ARSF: variants seen among roughly 807,000 people sequenced by gnomAD.
ARSF encodes arylsulfatase F.
ARSF carries 33 observed loss-of-function variants against 35.4 expected under a neutral mutation model. The ratio of observed to expected loss-of-function variants is 0.93; its 90% CI spans 0.71 to 1.25. The LOEUF is 1.25. ARSF is among the 50% of genes most tolerant of loss of function. The probability of loss-of-function intolerance (pLI) is 0.00; values close to 1 mark genes in which losing one functional copy is unlikely to be tolerated. For missense variants in ARSF, 501 were observed against 480.2 expected (o/e 1.04, Z -0.40); for synonymous variants, 222 against 193.1 (o/e 1.15, Z -1.24).
chrX:3,076,038 T>C (rs2090146086), intron 3 of ARSF, among the ~76,000 whole-genome samples: 1 of 109,120 alleles, frequency 9.2e-6, no homozygotes, highest in Admixed American at 9.9e-5. Context: ...TCTGTTTATC[T>C]CTCTTTCCAT....
chrX:3,085,109 G>A (rs1037525172), intron 6 of ARSF, among the ~76,000 whole-genome samples: 2 of 109,917 alleles, frequency 1.8e-5, no homozygotes, highest in Non-Finnish European at 3.8e-5. Context: ...GTGGTACCTT[G>A]TTTGGGCTCC....
At chrX:3,083,225 A>G (rs7062021) in intron 5 of ARSF, among the ~76,000 whole-genome samples, 1,146 of 110,995 alleles carry the variant, frequency 0.01, 15 homozygotes, top group African/African-American at 0.036. Context: ...ATTTGTATCT[A>G]TCATATTTAT....
intron 1 of ARSF, chrX:3,058,392 T>G: frequency 6.8e-6 from 1 of 146,819 alleles, no homozygotes; most frequent in Non-Finnish European, 1.4e-5. Flanking sequence ...ACCAAGCTGG[T>G]GCTGAACGTA....
intron 2 of ARSF, among the ~76,000 whole-genome samples, chrX:3,070,627 C>T (rs2090096303): frequency 9.0e-6 from 1 of 111,120 alleles, no homozygotes; most frequent in Admixed American, 9.6e-5. Flanking sequence ...TGTTTGATTA[C>T]ATGGATAAGT....
chrX:3,061,373 G>A (rs1398231080), intron 1 of ARSF, among the ~76,000 whole-genome samples: 3 of 111,510 alleles, frequency 2.7e-5, no homozygotes, highest in African/African-American at 9.8e-5. Flanking sequence ...GACCATCGAT[G>A]CTAGGAAGAA....
At chrX:3,093,032 G>A (rs112508813) in intron 7 of ARSF, among the ~76,000 whole-genome samples, 3,075 of 107,372 alleles carry the variant, frequency 0.029, 53 homozygotes, top group Middle Eastern at 0.061. Flanking sequence ...CATCCGTGGT[G>A]GCGGGCGTCT....
At chrX:3,058,496 G>A (rs2062002365) in intron 1 of ARSF, 1 of 271,666 alleles carries the variant, frequency 3.7e-6, no homozygotes, top group Non-Finnish European at 7.2e-6. Flanking sequence ...CGGGACCACA[G>A]GCAGGCTACT....
intron 7 of ARSF, among the ~76,000 whole-genome samples, chrX:3,095,608 T>G (rs964666856): frequency 9.1e-6 from 1 of 109,955 alleles, no homozygotes; most frequent in East Asian, 2.8e-4. Flanking sequence ...ACATTTAATG[T>G]TAAGTTTGTA....
chrX:3,091,089 AT>A (rs2090286311), intron 7 of ARSF, among the ~76,000 whole-genome samples: 1 of 110,587 alleles, frequency 9.0e-6, no homozygotes, highest in Non-Finnish European at 1.9e-5. Context: ...TAATTTTTGT[AT>A]TTTTTGTAGA....
intron 1 of ARSF, among the ~76,000 whole-genome samples, chrX:3,045,206 C>T (rs2089969752): frequency 9.0e-6 from 1 of 111,711 alleles, no homozygotes; most frequent in Non-Finnish European, 1.9e-5. Context: ...GCCACGTGGT[C>T]ACACATGGTA....
At chrX:3,071,044 A>G (rs1460000268) in intron 2 of ARSF, among the ~76,000 whole-genome samples, 2 of 110,266 alleles carry the variant, frequency 1.8e-5, no homozygotes, top group Non-Finnish European at 3.8e-5. Context: ...TGTGTTATAT[A>G]TAGGTATCTA....
At chrX:3,054,733 G>T (rs746608609) in intron 1 of ARSF, among the ~76,000 whole-genome samples, 2 of 108,328 alleles carry the variant, frequency 1.8e-5, no homozygotes, top group South Asian at 4.2e-4. Flanking sequence ...GCATGAAACT[G>T]CTCTCTTTTT....
At position 3,081,003 on chromosome X, in the gene ARSF, G is replaced by A. The variant is rs772891680; in HGVS notation, c.396G>A (p.Thr132=). 69 of 1,208,498 alleles carry A rather than the reference G, an allele frequency of 5.7e-5. 1 individual carries two copies. Among genetic ancestry groups the A allele is most frequent in the South Asian group, 2.0e-4 (11 of 56,370 alleles). Residue 132 remains threonine, a synonymous_variant, in exon 5 of 11, where the codon ACG becomes ACA. Transcript: ENST00000381127. The part of the protein sequence containing the change: ...AALLKKQGYS[T]GLIGKWHQGL... ...TGCTAAAGAAGCAAGGATACAGCAC[G>A]GGGCTTATAGGTAAGACACAAGAAT...
intron 7 of ARSF, among the ~76,000 whole-genome samples, 194 bp from the exon 8 acceptor site, chrX:3,100,893 C>T (rs1417548275): frequency 8.9e-6 from 1 of 111,799 alleles, no homozygotes; most frequent in Non-Finnish European, 1.9e-5. Context: ...CCGCGCCCGG[C>T]CTGACTCTCA....
At chrX:3,057,131 G>T (rs1013947445) in intron 1 of ARSF, among the ~76,000 whole-genome samples, 1 of 112,050 alleles carries the variant, frequency 8.9e-6, no homozygotes, top group Admixed American at 9.5e-5. Flanking sequence ...ACCCTAGCAG[G>T]TTGCTTATTG....
At chrX:3,059,504 G>C (rs2090033058) in intron 1 of ARSF, among the ~76,000 whole-genome samples, 1 of 112,401 alleles carries the variant, frequency 8.9e-6, no homozygotes, top group Non-Finnish European at 1.9e-5. Context: ...GCCTCACCTG[G>C]GAAGTGTCAG....
intron 9 of ARSF, among the ~76,000 whole-genome samples, chrX:3,106,511 T>C (rs994932186): frequency 9.0e-6 from 1 of 111,664 alleles, no homozygotes; most frequent in Non-Finnish European, 1.9e-5. Flanking sequence ...TGTGGATACC[T>C]CTCTCCTGTC....
intron 1 of ARSF, among the ~76,000 whole-genome samples, chrX:3,052,251 G>A (rs1427534082): frequency 9.0e-6 from 1 of 111,506 alleles, no homozygotes; most frequent in South Asian, 3.7e-4. Flanking sequence ...TCTATGCCTC[G>A]CTGTATTTAA....
chrX:3,106,189 G>C (rs1477015296), intron 9 of ARSF, among the ~76,000 whole-genome samples: 1 of 112,229 alleles, frequency 8.9e-6, no homozygotes, highest in East Asian at 2.8e-4. Context: ...TTCAGAGGAC[G>C]CACCATCTTT....
Sources: gnomAD v4.1 joint callset for allele counts (sites outside exome capture counted in the v4.1 genomes callset) on GRCh38, gnomAD v4.1.1 for gene constraint, MANE v1.5 for transcripts, NCBI Gene and HGNC (gene_info 2026-07-23, HGNC 2026-07-21) for gene names.